CDC14A: variants seen among roughly 807,000 people sequenced by gnomAD.
CDC14A encodes the protein dual specificity protein phosphatase CDC14A.
In CDC14A, 53 loss-of-function variants were observed where a neutral mutation model predicts 74.4. The ratio of observed to expected loss-of-function variants is 0.71; its 90% CI spans 0.57 to 0.89. The LOEUF (loss-of-function observed/expected upper bound fraction) is 0.89. Ranked by LOEUF, CDC14A falls within the 40% of genes least tolerant of loss-of-function variation. CDC14A has a pLI of 0.00. For missense variants in CDC14A, 646 were observed against 713.7 expected, an observed-to-expected ratio of 0.91 and a Z score of 1.08; for synonymous variants, 247 against 258.4, an observed-to-expected ratio of 0.96 and a Z score of 0.43.
At chr1:100,417,269 C>T (rs944474203) in intron 4 of CDC14A, among the ~76,000 whole-genome samples, 2 of 152,214 alleles carry the variant, frequency 1.3e-5, no homozygotes, top group African/African-American at 4.8e-5. Context: ...TGAGTCTGGT[C>T]ACTTCATAGG....
rs887488405 is a variant in CDC14A, at chr1:100,434,356, G to A, written c.390-5576G>A. Among the ~76,000 whole-genome samples the A allele has an allele frequency of 5.3e-5, 8 of 152,172 alleles. No homozygotes were observed. The South Asian group carries it at 1.7e-3, about 32-fold the overall frequency. ...GTAGGAAGAGCCCAGTGGCTACTGG[G>A]GAGCTCAGGGAAGATGGGGCCAGAT... On this transcript the variant is annotated intron_variant, in intron 5 of 15. Coordinates refer to ENST00000336454, the MANE Select transcript of CDC14A (RefSeq NM_003672.4).
At chr1:100,501,015 C>A (rs1234583302) in intron 15 of CDC14A, among the ~76,000 whole-genome samples, 1 of 151,976 alleles carries the variant, frequency 6.6e-6, no homozygotes, top group Non-Finnish European at 1.5e-5. Flanking sequence ...CCATGCTTGG[C>A]CTTGGCATTA....
intron 2 of CDC14A, among the ~76,000 whole-genome samples, chr1:100,366,358 G>A (rs185184295): frequency 6.6e-6 from 1 of 152,264 alleles, no homozygotes; most frequent in African/African-American, 2.4e-5. Flanking sequence ...TTTTTGCTGA[G>A]GTGTTGGGAA....
intron 4 of CDC14A, among the ~76,000 whole-genome samples, chr1:100,419,264 A>G (rs1040588778): frequency 6.6e-6 from 1 of 151,940 alleles, no homozygotes; most frequent in Admixed American, 6.6e-5. Context: ...TGATGTGGCT[A>G]TCACGTGATG....
chr1:100,476,501 A>G (rs1261474665), intron 10 of CDC14A, among the ~76,000 whole-genome samples: 1 of 152,150 alleles, frequency 6.6e-6, no homozygotes, highest in African/African-American at 2.4e-5. Flanking sequence ...CAGCCCTAAG[A>G]CTAGGCTATA....
chr1:100,418,242 T>C (rs1419056417), intron 4 of CDC14A, among the ~76,000 whole-genome samples: 2 of 152,172 alleles, frequency 1.3e-5, no homozygotes, highest in East Asian at 1.9e-4. Context: ...TCACCTATAG[T>C]TGAGTGTCAT....
upstream of CDC14A, among the ~76,000 whole-genome samples, chr1:100,350,939 T>C (rs544916282): frequency 6.6e-6 from 1 of 152,316 alleles, no homozygotes; most frequent in Non-Finnish European, 1.5e-5. Flanking sequence ...CAGCCTGTAA[T>C]CCCAGCGCTG....
At chr1:100,502,358 T>C (rs767966273) in intron 15 of CDC14A, among the ~76,000 whole-genome samples, 5 of 152,208 alleles carry the variant, frequency 3.3e-5, no homozygotes, top group African/African-American at 4.8e-5. Flanking sequence ...TGTTTAGGTA[T>C]GTTTAGACAC....
intron 10 of CDC14A, among the ~76,000 whole-genome samples, chr1:100,482,786 A>G (rs933125818): frequency 6.6e-5 from 10 of 151,940 alleles, no homozygotes; most frequent in Non-Finnish European, 1.5e-4. Context: ...CTCTGTGTAT[A>G]TATGTATATA....
At chr1:100,459,049 GTC>G (rs1265732723) in intron 8 of CDC14A, among the ~76,000 whole-genome samples, 4 of 149,178 alleles carry the variant, frequency 2.7e-5, no homozygotes. Flanking sequence ...CTGTAAAAAT[GTC>G]TCTTAAGTGT....
chr1:100,449,288 A>T (rs1053321947), intron 7 of CDC14A, among the ~76,000 whole-genome samples: 4 of 152,180 alleles, frequency 2.6e-5, no homozygotes, highest in African/African-American at 9.7e-5. Flanking sequence ...AAGACTTCAC[A>T]TTACTATCAG....
intron 10 of CDC14A, among the ~76,000 whole-genome samples, chr1:100,473,316 C>T (rs1205136934): frequency 1.3e-5 from 2 of 151,728 alleles, no homozygotes; most frequent in East Asian, 3.9e-4. Context: ...TTTTTTTTAG[C>T]AATTATAAAT....
At chr1:100,399,290 G>T (rs1331748885) in intron 4 of CDC14A, among the ~76,000 whole-genome samples, 1 of 152,052 alleles carries the variant, frequency 6.6e-6, no homozygotes, top group African/African-American at 2.4e-5. Context: ...TAACATTTTA[G>T]ATTTCTTTCA....
At chr1:100,498,768 C>T (rs1170692989) in intron 14 of CDC14A, among the ~76,000 whole-genome samples, 161 bp from the exon 15 acceptor site, 1 of 152,154 alleles carries the variant, frequency 6.6e-6, no homozygotes, top group East Asian at 1.9e-4. Context: ...TATCATAACA[C>T]CAAGGGTGAT....
chr1:100,396,354 T>G (rs1658487461), intron 4 of CDC14A, among the ~76,000 whole-genome samples: 1 of 152,238 alleles, frequency 6.6e-6, no homozygotes, highest in African/African-American at 2.4e-5. Context: ...TTTCAGTATT[T>G]GAACACTATC....
intron 10 of CDC14A, among the ~76,000 whole-genome samples, chr1:100,481,311 G>A (rs1669448526): frequency 6.6e-6 from 1 of 152,172 alleles, no homozygotes; most frequent in South Asian, 2.1e-4. Context: ...AAATTGTCCA[G>A]GATGGAAGAA....
intron 3 of CDC14A, among the ~76,000 whole-genome samples, chr1:100,386,670 C>T (rs1296565000): frequency 1.3e-5 from 2 of 152,182 alleles, no homozygotes; most frequent in East Asian, 3.8e-4. Context: ...GTGACACCTT[C>T]CTGTGGTCCC....
Position 100,497,020 on chromosome 1 carries a change from T to C in CDC14A, c.1298+971T>C, listed in dbSNP as rs557391009. ...CCAGCATTGTGCTAGCCACTGGGAA[T>C]TGAAATGAGAGAGAAGTCTTTGCCC... On this transcript the variant is annotated intron_variant, in intron 13 of 15. Coordinates refer to ENST00000336454, the MANE Select transcript of CDC14A (RefSeq NM_003672.4). 2.0e-5 allele frequency among the ~76,000 whole-genome samples: 3 copies of C among 152,304 alleles called. No individual in the cohort carries two copies. The South Asian group carries it at 6.2e-4, about 32-fold the overall frequency.
chr1:100,347,335 C>A (rs1650507165), intron 1 of CDC14A, among the ~76,000 whole-genome samples: 1 of 152,174 alleles, frequency 6.6e-6, no homozygotes, highest in Admixed American at 6.5e-5. Context: ...GAGTGCTCAT[C>A]CACTGCCTTC....
Sources: gnomAD v4.1 joint callset for allele counts (sites outside exome capture counted in the v4.1 genomes callset) on GRCh38, gnomAD v4.1.1 for gene constraint, MANE v1.5 for transcripts, NCBI Gene and HGNC (gene_info 2026-07-23, HGNC 2026-07-21) for gene names.